Variants in TBK1 observed in about 807,000 individuals in gnomAD.
The protein encoded by TBK1 is TANK binding kinase 1.
TBK1 carries 37 observed loss-of-function variants against 99.9 expected under a neutral mutation model. That is an observed-to-expected ratio of 0.37 (90% CI 0.28 to 0.49). The LOEUF is 0.49. Ranked by LOEUF, TBK1 falls within the 20% of genes least tolerant of loss-of-function variation. TBK1 has a pLI of 0.98. For missense variants in TBK1, 644 were observed against 872.5 expected (o/e 0.74, Z 3.30); for synonymous variants, 258 against 279.8 (o/e 0.92, Z 0.78).
chr12:64,472,702 T>G (rs1442746620), intron 5 of TBK1, among the ~76,000 whole-genome samples: 2 of 152,182 alleles, frequency 1.3e-5, no homozygotes, highest in African/African-American at 4.8e-5. Flanking sequence ...TGGGCTACAC[T>G]GGAAGAATTG....
intron 13 of TBK1, among the ~76,000 whole-genome samples, chr12:64,492,451 C>T (rs1223263735): frequency 6.6e-6 from 1 of 151,532 alleles, no homozygotes; most frequent in Non-Finnish European, 1.5e-5. Flanking sequence ...GGATTACAGG[C>T]ATGTGCCACC....
intron 6 of TBK1, among the ~76,000 whole-genome samples, chr12:64,474,807 C>G (rs947187640): frequency 3.3e-5 from 5 of 152,188 alleles, no homozygotes; most frequent in Admixed American, 6.5e-5. Flanking sequence ...TGAACTGATT[C>G]CTTTTACCAT....
Position 64,484,403 on chromosome 12 carries a change from A to G in TBK1, c.1093A>G (p.Arg365Gly). ...EGRRLVLEPGRLAQHFPKTTE... is the reference protein window; with the variant it reads ...EGRRLVLEPGGLAQHFPKTTE... ...GCGACGCTTAGTCTTAGAACCTGGA[A>G]GGCTGGCACAACATTTCCCTAAAAC... Residue 365 changes from arginine to glycine, a missense_variant, in exon 9 of 21, where the codon AGG becomes GGG. Around this residue, in one of 3 missense-constraint regions of TBK1, gnomAD observed 465 missense variants for 588.0 expected, o/e 0.79. Transcript: ENST00000331710. 6.2e-7 allele frequency: 1 copy of G among 1,614,162 alleles called. No homozygotes were observed. Among genetic ancestry groups the G allele is most frequent in the Non-Finnish European group, 8.5e-7 (1 of 1,180,020 alleles).
At chr12:64,458,705 T>A (rs2136055410) in intron 2 of TBK1, among the ~76,000 whole-genome samples, 1 of 152,232 alleles carries the variant, frequency 6.6e-6, no homozygotes, top group South Asian at 2.1e-4. Context: ...ATTGCAAAAT[T>A]GTATTATTTT....
At position 64,501,326 on chromosome 12, in the gene TBK1, T is replaced by C. The variant is rs2040986360; in HGVS notation, c.2139-4T>C. 6.2e-7 allele frequency: 1 copy of C among 1,613,890 alleles called. No individual in the cohort carries two copies. The highest frequency in any genetic ancestry group is 1.3e-5 in the African/African-American group (1 of 74,934). On this transcript the variant is annotated splice_polypyrimidine_tract_variant and splice_region_variant and intron_variant, in intron 20 of 20. Transcript: ENST00000331710. ...ACCTTTTTTTCTTTGTGTGTGTGTTTTAGGTTTGGCTCTTTAACCATGGAT... is the reference window on the plus strand; with the variant it reads ...ACCTTTTTTTCTTTGTGTGTGTGTTCTAGGTTTGGCTCTTTAACCATGGAT...
chr12:64,493,195 C>T (rs1293280318), intron 13 of TBK1, among the ~76,000 whole-genome samples: 18 of 151,840 alleles, frequency 1.2e-4, no homozygotes, highest in Admixed American at 1.2e-3. Flanking sequence ...CGCCCGGCTT[C>T]GTAGTGGAGA....
At chr12:64,476,174 T>TTC (rs2040710973) in intron 6 of TBK1, among the ~76,000 whole-genome samples, 2 of 143,988 alleles carry the variant, frequency 1.4e-5, no homozygotes, top group African/African-American at 5.1e-5. Flanking sequence ...TTTTTTTTTT[T>TTC]TGAGATGGAG....
chr12:64,487,369 A>C (rs1437701523), intron 11 of TBK1, among the ~76,000 whole-genome samples: 4 of 151,772 alleles, frequency 2.6e-5, no homozygotes, highest in Admixed American at 6.6e-5. Context: ...CCTCATACCC[A>C]CCCCGTCTTG....
rs2040990465 is a variant in TBK1 at position 64,501,605 on chromosome 12, G to T, written c.*224G>T. ...CATTTATAATTATATGAGGAAATTTGACCTCAGTGATCACGAGAAGAAAGC... is the reference window on the plus strand; with the variant it reads ...CATTTATAATTATATGAGGAAATTTTACCTCAGTGATCACGAGAAGAAAGC... On this transcript the variant is annotated 3_prime_UTR_variant, in exon 21 of 21. Coordinates refer to ENST00000331710, the MANE Select transcript of TBK1 (RefSeq NM_013254.4). The T allele has an allele frequency of 6.4e-6, 3 of 467,490 alleles. No homozygotes were observed. Among genetic ancestry groups the T allele is most frequent in the Non-Finnish European group, 1.1e-5 (3 of 268,260 alleles). 29.0% of individuals were successfully genotyped at this position (467,490 alleles called of 1,614,324 possible). A position where few individuals can be genotyped will look rare whatever the true frequency, so the allele number is the denominator to read the frequency against.
At chr12:64,458,333 A>G (rs1028339933) in intron 2 of TBK1, among the ~76,000 whole-genome samples, 2 of 152,094 alleles carry the variant, frequency 1.3e-5, no homozygotes, top group African/African-American at 4.8e-5. Flanking sequence ...TAGAATGACC[A>G]AATTCTTACA....
At chr12:64,479,602 T>A (rs1484119236) in intron 6 of TBK1, among the ~76,000 whole-genome samples, 1 of 152,248 alleles carries the variant, frequency 6.6e-6, no homozygotes, top group Non-Finnish European at 1.5e-5. Context: ...TACTATTCAT[T>A]CTGCAGAAAC....
chr12:64,492,495 G>A (rs1238498126), intron 13 of TBK1, among the ~76,000 whole-genome samples: 1 of 151,740 alleles, frequency 6.6e-6, no homozygotes, highest in Admixed American at 6.6e-5. Context: ...TAGTAGAGAA[G>A]TGGTTTCTCC....
chr12:64,484,944 G>A (rs1183991308), intron 9 of TBK1, among the ~76,000 whole-genome samples: 1 of 152,104 alleles, frequency 6.6e-6, no homozygotes, highest in African/African-American at 2.4e-5. Context: ...TTCCTAAAAC[G>A]ATAAAATCGT....
intron 20 of TBK1, among the ~76,000 whole-genome samples, chr12:64,498,313 A>G (rs1293618001): frequency 6.6e-6 from 1 of 152,240 alleles, no homozygotes; most frequent in African/African-American, 2.4e-5. Context: ...ATTCATTGGA[A>G]TCATAATTTT....
chr12:64,466,830 ATGAATT>A (rs2040610025), intron 4 of TBK1, 65 bp from the exon 5 acceptor site: 2 of 1,252,960 alleles, frequency 1.6e-6, no homozygotes, highest in Non-Finnish European at 2.1e-6. Context: ...GACTATATCA[ATGAATT>A]TGAGACATGC....
intron 3 of TBK1, among the ~76,000 whole-genome samples, chr12:64,462,177 G>A (rs1475519198): frequency 6.6e-6 from 1 of 152,172 alleles, no homozygotes; most frequent in African/African-American, 2.4e-5. Flanking sequence ...GCCCCCAGAG[G>A]AACAAAGACA....
chr12:64,478,231 A>T (rs2136073335), intron 6 of TBK1, among the ~76,000 whole-genome samples: 1 of 152,274 alleles, frequency 6.6e-6, no homozygotes, highest in East Asian at 1.9e-4. Flanking sequence ...GCTCACTGCA[A>T]CCTGTACCTG....
chr12:64,489,889 T>C (rs1357379376), intron 12 of TBK1, 152 bp from the exon 13 acceptor site: 1 of 516,946 alleles, frequency 1.9e-6, no homozygotes, highest in Non-Finnish European at 3.3e-6. Flanking sequence ...ATCAGGTTTT[T>C]TTTTTAACAA....
intron 9 of TBK1, 127 bp downstream of exon 9, chr12:64,484,626 C>A: frequency 2.4e-6 from 2 of 836,842 alleles, no homozygotes; most frequent in Non-Finnish European, 3.5e-6. Context: ...GTGGCTTGCA[C>A]CTGTAGTCCC....
Sources: gnomAD v4.1 joint callset for allele counts (sites outside exome capture counted in the v4.1 genomes callset) on GRCh38, gnomAD v4.1.1 for gene constraint, gnomAD v4.1.1 regional missense constraint, MANE v1.5 for transcripts, NCBI Gene and HGNC (gene_info 2026-07-23, HGNC 2026-07-21) for gene names.